PSMA8: variants seen among roughly 807,000 people sequenced by gnomAD.
PSMA8 encodes proteasome subunit alpha-type 8.
A neutral mutation model predicts 32.4 loss-of-function variants in PSMA8; 18 were observed. That is an observed-to-expected ratio of 0.56 (90% CI 0.38 to 0.82). The LOEUF (loss-of-function observed/expected upper bound fraction) is 0.82. Ranked by LOEUF, PSMA8 falls within the 40% of genes least tolerant of loss-of-function variation. PSMA8 has a pLI of 0.00. For missense variants in PSMA8, 298 were observed against 300.7 expected, an observed-to-expected ratio of 0.99 and a Z score of 0.07; for synonymous variants, 104 against 98.1, an observed-to-expected ratio of 1.06 and a Z score of -0.36.
Position 26,192,348 on chromosome 18 carries a change from T to C in PSMA8, c.690T>C (p.Tyr230=), listed in dbSNP as rs762728942. ...KMFSAKEVEL[Y]VTEIEKEKEE... Reference sequence around the variant, plus strand: ...TTAGTGCAAAAGAAGTTGAATTATATGTAACTGAAATAGAAAAGGAAAAGG... The same window carrying C: ...TTAGTGCAAAAGAAGTTGAATTATACGTAACTGAAATAGAAAAGGAAAAGG... The change falls in exon 7 of 7, where the codon TAT becomes TAC. Residue 230 remains tyrosine (Y), a synonymous_variant. Coordinates refer to ENST00000415576, the MANE Select transcript of PSMA8 (RefSeq NM_001025096.2). 9.3e-5 allele frequency: 141 copies of C among 1,519,352 alleles called. No homozygotes were observed. Among genetic ancestry groups the C allele is most frequent in the Non-Finnish European group, 1.2e-4 (135 of 1,146,148 alleles). The allele number at this position is 1,519,352 out of a possible 1,614,324, so 94.1% of individuals were successfully genotyped here. A position where few individuals can be genotyped will look rare whatever the true frequency, so the allele number is the denominator to read the frequency against.
At chr18:26,169,276 T>G (rs2144327416) in intron 4 of PSMA8, among the ~76,000 whole-genome samples, 1 of 134,108 alleles carries the variant, frequency 7.5e-6, no homozygotes, top group South Asian at 2.1e-4. Flanking sequence ...CTAGTTTTTC[T>G]TTTATTTTCT....
In PSMA8 at chr18:26,192,306, T is replaced by G. The variant is rs762329092; in HGVS notation, c.661-13T>G. 1 of 1,476,032 alleles carries G rather than the reference T, an allele frequency of 6.8e-7. No homozygotes were observed. The highest frequency in any genetic ancestry group is 8.9e-7 in the Non-Finnish European group (1 of 1,119,048). The allele number at this position is 1,476,032 out of a possible 1,614,324, so 91.4% of individuals were successfully genotyped here. ...AACTGACATTTGATCTTTAAATTTTTTTCTCTTTTCAGATGTTTAGTGCAA... is the reference window on the plus strand; with the variant it reads ...AACTGACATTTGATCTTTAAATTTTGTTCTCTTTTCAGATGTTTAGTGCAA... On this transcript the variant is annotated splice_polypyrimidine_tract_variant and intron_variant, in intron 6 of 6. Coordinates refer to ENST00000415576, the MANE Select transcript of PSMA8 (RefSeq NM_001025096.2).
intron 1 of PSMA8, among the ~76,000 whole-genome samples, chr18:26,134,336 TGTGG>T (rs141096654): frequency 3.0e-4 from 43 of 144,698 alleles, no homozygotes; most frequent in African/African-American, 1.1e-3. Context: ...AGGGTGTGTG[TGTGG>T]GTGTGTGTGT....
chr18:26,170,585 CAA>C, intron 4 of PSMA8: 2 of 621,252 alleles, frequency 3.2e-6, no homozygotes, highest in Non-Finnish European at 5.2e-6. Context: ...CTGATAGAGA[CAA>C]GAGTAGTGGG....
intron 3 of PSMA8, among the ~76,000 whole-genome samples, chr18:26,155,386 C>T (rs1217635573): frequency 6.6e-6 from 1 of 152,190 alleles, no homozygotes; most frequent in Non-Finnish European, 1.5e-5. Context: ...GGTGCCATCA[C>T]ACTACCTGAA....
At position 26,136,374 on chromosome 18, in the gene PSMA8, G is replaced by C. The variant is rs573056067; in HGVS notation, c.102+2307G>C. On this transcript the variant is annotated intron_variant, in intron 1 of 6. Transcript: ENST00000415576. ...GTGACCCCAAACTGTTATTAGCTCT[G>C]TATTTCCTACTTTATCAAATCTCAG... Among the ~76,000 whole-genome samples, 41 of 152,212 alleles carry C rather than the reference G, an allele frequency of 2.7e-4. No individual in the cohort carries two copies. The South Asian group carries it at 8.3e-3, about 31-fold the overall frequency.
chr18:26,137,081 T>C (rs1440972432), intron 1 of PSMA8, among the ~76,000 whole-genome samples: 1 of 152,240 alleles, frequency 6.6e-6, no homozygotes, highest in Non-Finnish European at 1.5e-5. Context: ...TCCATTATCA[T>C]GAATGTAGAA....
chr18:26,153,717 C>T (rs550097026), intron 3 of PSMA8, among the ~76,000 whole-genome samples: 154 of 152,000 alleles, frequency 1.0e-3, no homozygotes, highest in Non-Finnish European at 1.7e-3. Flanking sequence ...GGCTTTGCTA[C>T]TTCTTAGTTA....
rs570390051 is a variant in PSMA8 at position 26,171,672 on chromosome 18, T to C, written c.478-7158T>C. Among the ~76,000 whole-genome samples the C allele has an allele frequency of 6.6e-5, 10 of 152,114 alleles. No homozygotes were observed. In the East Asian group the frequency reaches 1.4e-3, roughly 21 times the overall value. On this transcript the variant is annotated intron_variant, in intron 4 of 6. Transcript: ENST00000415576. ...TTGCTTGAACCTGGAAAGTGGTGGT[T>C]GTAGTGAGCTGAGATCGTGCCACTG...
intron 6 of PSMA8, among the ~76,000 whole-genome samples, chr18:26,188,242 A>G (rs1306683201): frequency 6.6e-6 from 1 of 152,052 alleles, no homozygotes; most frequent in East Asian, 1.9e-4. Context: ...GAAACAAGTG[A>G]TAATGAAAAC....
intron 2 of PSMA8, 81 bp downstream of exon 2, chr18:26,144,766 C>A: frequency 1.5e-6 from 2 of 1,326,102 alleles, no homozygotes; most frequent in Non-Finnish European, 2.1e-6. Context: ...TGCAGTTGTG[C>A]TATATTTATA....
Position 26,171,308 on chromosome 18 carries a change from G to A in PSMA8, c.478-7522G>A, listed in dbSNP as rs1190306712. ...CCATGACAGCAGCGGGAGGACCTCCGAGCCCGCTCGTTACAGCAGAACGCG... is the reference window on the plus strand; with the variant it reads ...CCATGACAGCAGCGGGAGGACCTCCAAGCCCGCTCGTTACAGCAGAACGCG... On this transcript the variant is annotated intron_variant, in intron 4 of 6. Transcript: ENST00000415576. The A allele has an allele frequency of 8.7e-6, 13 of 1,501,026 alleles. 1 individual carries two copies. The highest frequency in any genetic ancestry group is 8.0e-5 in the Admixed American group (4 of 50,238). The allele number at this position is 1,501,026 out of a possible 1,614,324, so 93.0% of individuals were successfully genotyped here.
intron 6 of PSMA8, among the ~76,000 whole-genome samples, chr18:26,187,054 G>A (rs932763864): frequency 5.9e-5 from 9 of 152,138 alleles, no homozygotes; most frequent in African/African-American, 1.7e-4. Flanking sequence ...TCCATGAAAG[G>A]ATGGACCAGG....
At chr18:26,153,335 T>C (rs2055061369) in intron 3 of PSMA8, among the ~76,000 whole-genome samples, 1 of 152,124 alleles carries the variant, frequency 6.6e-6, no homozygotes, top group African/African-American at 2.4e-5. Context: ...GGAATTATAT[T>C]GTTAAATTTA....
At chr18:26,152,468 G>A (rs1171467474) in intron 3 of PSMA8, among the ~76,000 whole-genome samples, 4 of 151,992 alleles carry the variant, frequency 2.6e-5, no homozygotes, top group Non-Finnish European at 4.4e-5. Flanking sequence ...GTGACCATAG[G>A]CATAAGCCAC....
At chr18:26,149,457 A>G (rs2055028386) in intron 2 of PSMA8, among the ~76,000 whole-genome samples, 1 of 152,216 alleles carries the variant, frequency 6.6e-6, no homozygotes. Flanking sequence ...TATGACATTC[A>G]TATGGAATGA....
At chr18:26,134,487 C>A (rs548600417) in intron 1 of PSMA8, among the ~76,000 whole-genome samples, 1 of 151,986 alleles carries the variant, frequency 6.6e-6, no homozygotes, top group South Asian at 2.1e-4. Context: ...AGTTCAGAGA[C>A]CCCTGGAAAA....
intron 6 of PSMA8, among the ~76,000 whole-genome samples, chr18:26,189,011 T>G (rs918904276): frequency 1.3e-5 from 2 of 152,090 alleles, no homozygotes; most frequent in Admixed American, 1.3e-4. Flanking sequence ...GTTAAAGAAC[T>G]TCTGCACAGC....
intron 4 of PSMA8, among the ~76,000 whole-genome samples, chr18:26,161,828 T>A (rs955325283): frequency 6.6e-6 from 1 of 152,186 alleles, no homozygotes; most frequent in African/African-American, 2.4e-5. Context: ...GAAACTTATA[T>A]CCTGGGTGAG....
Sources: allele counts gnomAD v4.1 joint callset (sites outside exome capture counted in the v4.1 genomes callset), GRCh38; gene constraint gnomAD v4.1.1; transcripts MANE v1.5; gene names NCBI Gene and HGNC (gene_info 2026-07-23, HGNC 2026-07-21).